The following LRRC4C variants were observed in gnomAD, a reference collection of about 807,000 sequenced individuals.
LRRC4C encodes leucine rich repeat containing 4C.
A neutral mutation model predicts 33.6 loss-of-function variants in LRRC4C; 5 were observed. The observed-to-expected ratio is 0.15, with a 90% CI of 0.08 to 0.31. The LOEUF (loss-of-function observed/expected upper bound fraction) is 0.31, where lower values mean the gene tolerates loss of function less well. Ranked by LOEUF, LRRC4C falls within the 10% of genes least tolerant of loss-of-function variation. The pLI is 1.00. For missense variants in LRRC4C, 560 were observed against 796.7 expected (o/e 0.70, Z 3.58); for synonymous variants, 329 against 302.0 (o/e 1.09, Z -0.93).
chr11:41,385,745 A>C (rs966575092), intron 1 of LRRC4C, among the ~76,000 whole-genome samples: 1 of 151,524 alleles, frequency 6.6e-6, no homozygotes, highest in African/African-American at 2.4e-5. Flanking sequence ...GGAATAGTGA[A>C]AGGAAAAGAA....
intron 3 of LRRC4C, among the ~76,000 whole-genome samples, chr11:40,506,018 T>G (rs1410831650): frequency 6.6e-6 from 1 of 152,198 alleles, no homozygotes; most frequent in Admixed American, 6.6e-5. Flanking sequence ...CATAGTGAAT[T>G]CAAGGTTCAA....
At chr11:40,535,006 A>G (rs1956414347) in intron 3 of LRRC4C, among the ~76,000 whole-genome samples, 1 of 152,186 alleles carries the variant, frequency 6.6e-6, no homozygotes, top group African/African-American at 2.4e-5. Context: ...TGTTATCTCA[A>G]TATAGTATGC....
intron 2 of LRRC4C, among the ~76,000 whole-genome samples, chr11:40,795,080 C>T (rs1041647004): frequency 1.3e-5 from 2 of 152,140 alleles, no homozygotes; most frequent in African/African-American, 4.8e-5. Context: ...TCATGATCTC[C>T]TTTCATTGGT....
intron 2 of LRRC4C, among the ~76,000 whole-genome samples, chr11:40,784,519 A>T (rs1429141255): frequency 6.6e-6 from 1 of 152,260 alleles, no homozygotes; most frequent in East Asian, 1.9e-4. Context: ...AAGCAATGAT[A>T]GTAACATTTT....
intron 1 of LRRC4C, among the ~76,000 whole-genome samples, chr11:41,182,182 G>GACTT (rs1945482313): frequency 6.6e-6 from 1 of 152,124 alleles, no homozygotes; most frequent in East Asian, 1.9e-4. Flanking sequence ...GAGAATAAGA[G>GACTT]ACTTATTGAT....
intron 3 of LRRC4C, among the ~76,000 whole-genome samples, chr11:40,379,826 G>A (rs1948795024): frequency 1.3e-5 from 2 of 152,198 alleles, no homozygotes; most frequent in African/African-American, 4.8e-5. Flanking sequence ...GTGGTTGTGG[G>A]CCCGCAGTAT....
intron 2 of LRRC4C, among the ~76,000 whole-genome samples, chr11:40,792,654 T>C (rs1025176720): frequency 2.6e-5 from 4 of 152,154 alleles, no homozygotes; most frequent in African/African-American, 9.7e-5. Flanking sequence ...CCCAAAGGAT[T>C]ATAAATCATG....
At chr11:40,503,813 C>T (rs1232112427) in intron 3 of LRRC4C, among the ~76,000 whole-genome samples, 2 of 152,082 alleles carry the variant, frequency 1.3e-5, no homozygotes, top group African/African-American at 2.4e-5. Context: ...GAAGCTAATG[C>T]CCTCAAAAAG....
intron 1 of LRRC4C, among the ~76,000 whole-genome samples, chr11:41,001,470 T>C (rs966162842): frequency 6.6e-6 from 1 of 152,192 alleles, no homozygotes; most frequent in Non-Finnish European, 1.5e-5. Flanking sequence ...CAAGTGAAGT[T>C]AATAGAGAAA....
chr11:40,560,442 TTGTGTG>T (rs66917448), intron 3 of LRRC4C, among the ~76,000 whole-genome samples: 17 of 149,406 alleles, frequency 1.1e-4, no homozygotes, highest in Non-Finnish European at 2.4e-4. Flanking sequence ...GTGCCTGTGT[TTGTGTG>T]TGTGTGTGTG....
chr11:40,187,740 A>G (rs1435839494), intron 5 of LRRC4C, among the ~76,000 whole-genome samples: 1 of 152,176 alleles, frequency 6.6e-6, no homozygotes, highest in Admixed American at 6.5e-5. Context: ...CAGTTCCTCC[A>G]TCACTAGGTT....
chr11:40,657,746 T>C (rs1191375465), intron 2 of LRRC4C, among the ~76,000 whole-genome samples: 2 of 152,218 alleles, frequency 1.3e-5, no homozygotes, highest in African/African-American at 4.8e-5. Context: ...CCCGACCACC[T>C]TGGGCACATG....
intron 1 of LRRC4C, among the ~76,000 whole-genome samples, chr11:41,212,416 C>A (rs1379632436): frequency 6.6e-6 from 1 of 152,176 alleles, no homozygotes; most frequent in African/African-American, 2.4e-5. Context: ...TTTGCTTCAA[C>A]TTCTGTTTTT....
At chr11:41,033,501 A>G (rs1856843882) in intron 1 of LRRC4C, among the ~76,000 whole-genome samples, 1 of 152,044 alleles carries the variant, frequency 6.6e-6, no homozygotes, top group South Asian at 2.1e-4. Flanking sequence ...AAAATTATAT[A>G]CAGGGTGACC....
chr11:40,941,020 C>A lies in LRRC4C; in HGVS notation c.-495-7297G>T, dbSNP rs76933087. On this transcript the variant is annotated intron_variant, in intron 1 of 6. Coordinates refer to ENST00000528697, the MANE Select transcript of LRRC4C (RefSeq NM_001258419.2). ...TATATTTAAAAATTCCAACAGAAAT[C>A]TTAAATACGAAAAATGAAGTGGGAC... Among the ~76,000 whole-genome samples the A allele has an allele frequency of 5.6e-4, 84 of 149,564 alleles. 1 individual carries two copies. The East Asian group carries it at 0.016, about 29-fold the overall frequency.
At chr11:40,420,332 C>G (rs1439055454) in intron 3 of LRRC4C, among the ~76,000 whole-genome samples, 10 of 152,138 alleles carry the variant, frequency 6.6e-5, no homozygotes, top group Non-Finnish European at 1.0e-4. Context: ...ACAACAGACC[C>G]CTCTGACAGC....
rs1857470059 is a variant in LRRC4C at position 40,142,903 on chromosome 11, TC to T, written c.-95-2051del. On this transcript the variant is annotated intron_variant, in intron 5 of 6. Transcript: ENST00000528697. ...ATCAACCTGTCTACAGTCAAACTCT[TC>T]ATTTTGATTTAACCCGACAAAGACT... Among the ~76,000 whole-genome samples the T allele has an allele frequency of 2.0e-5, 3 of 152,136 alleles. 1 individual carries two copies. The highest frequency in any genetic ancestry group is 7.2e-5 in the African/African-American group (3 of 41,428).
chr11:40,712,365 T>G (rs1946508443), intron 2 of LRRC4C, among the ~76,000 whole-genome samples: 1 of 152,076 alleles, frequency 6.6e-6, no homozygotes, highest in African/African-American at 2.4e-5. Context: ...AGCTAACACA[T>G]CCCATAGCTA....
chr11:41,204,617 A>T (rs143240151), intron 1 of LRRC4C, among the ~76,000 whole-genome samples: 17 of 152,346 alleles, frequency 1.1e-4, no homozygotes, highest in African/African-American at 4.1e-4. Flanking sequence ...TCTGGCTGTC[A>T]GTAGAACTTT....
Sources: allele counts gnomAD v4.1 joint callset (sites outside exome capture counted in the v4.1 genomes callset), GRCh38; gene constraint gnomAD v4.1.1; transcripts MANE v1.5; gene names NCBI Gene and HGNC (gene_info 2026-07-23, HGNC 2026-07-21).